RPUSD3: variants seen among roughly 807,000 people sequenced by gnomAD.
RPUSD3 encodes RNA pseudouridine synthase D3, also known as mitochondrial mRNA pseudouridine synthase RPUSD3.
In RPUSD3, 36 loss-of-function variants were observed where a neutral mutation model predicts 35.1. That is an observed-to-expected ratio of 1.02 (90% confidence interval 0.79 to 1.35). RPUSD3 has a LOEUF of 1.35. RPUSD3 is among the 40% of genes most tolerant of loss of function. RPUSD3 has a pLI of 0.00. For synonymous variants in RPUSD3, 202 were observed against 187.8 expected (o/e 1.08, Z -0.62); for missense variants, 486 against 441.9 (o/e 1.10, Z -0.89).
chr3:9,840,291 G>A lies in RPUSD3; in HGVS notation c.617C>T (p.Ala206Val), dbSNP rs777320478. 5.0e-5 allele frequency: 81 copies of A among 1,614,050 alleles called. No homozygotes were observed. In the Admixed American group the frequency reaches 1.3e-3, roughly 27 times the overall value. ...TTCCAGGATGTCCTTTCGGGATGGG[G>A]CCTTCACTGGAACTGTCTGTGGTGC... The change falls in exon 7 of 9, where the codon GCC (alanine) becomes GTC (valine). Residue 206 changes from alanine to valine, a missense_variant. Transcript: ENST00000383820.
chr3:9,840,359 C>T (rs1247887279), intron 6 of RPUSD3, 52 bp from the exon 7 acceptor site: 2 of 1,614,056 alleles, frequency 1.2e-6, no homozygotes, highest in Admixed American at 1.7e-5. Flanking sequence ...GGGAGCTATA[C>T]CCAGACCCTC....
At chr3:9,837,883 AG>A (rs762621117) in exon 9 of RPUSD3, 352 of 884,990 alleles carry the variant, frequency 4.0e-4, no homozygotes, top group Non-Finnish European at 4.0e-4. Flanking sequence ...AAGTCCAGAG[AG>A]GTAAAGTTAC....
intron 8 of RPUSD3, 78 bp from the exon 9 acceptor site, chr3:9,838,285 G>T: frequency 6.9e-7 from 1 of 1,453,914 alleles, no homozygotes; most frequent in Non-Finnish European, 9.5e-7. Context: ...GGAAATGGGA[G>T]TAAGGCGGGC....
intron 2 of RPUSD3, 134 bp from the exon 3 acceptor site, chr3:9,842,377 C>T (rs2125026268): frequency 1.2e-6 from 1 of 854,180 alleles, no homozygotes; most frequent in East Asian, 2.5e-5. Flanking sequence ...AGTTAACTAC[C>T]CCACACCAAA....
chr3:9,838,543 A>G (rs1157044668), intron 8 of RPUSD3, among the ~76,000 whole-genome samples: 1 of 151,888 alleles, frequency 6.6e-6, no homozygotes, highest in East Asian at 1.9e-4. Flanking sequence ...GCCCAGAAAA[A>G]CCTTATCCAC....
In RPUSD3 at chr3:9,838,213, G is replaced by A. The variant is rs2082050500; in HGVS notation, c.865-6C>T. The stretch of plus-strand genomic sequence containing the variant: ...AGGAGGGCTTCATCCAGGACCTGGA[G>A]CGGGAGAGGTACGTTGTGTTCAGCC... On this transcript the variant is annotated splice_polypyrimidine_tract_variant and splice_region_variant and intron_variant, in intron 8 of 8. Coordinates refer to ENST00000383820, the Ensembl canonical transcript of RPUSD3. 2 of 1,611,862 alleles carry A rather than the reference G, an allele frequency of 1.2e-6. No individual in the cohort carries two copies. The highest frequency in any genetic ancestry group is 1.7e-6 in the Non-Finnish European group (2 of 1,179,776).
chr3:9,843,176 G>T (rs934624682), intron 2 of RPUSD3: 10 of 419,838 alleles, frequency 2.4e-5, no homozygotes, highest in Non-Finnish European at 3.9e-5. Context: ...ACAGGCGTGA[G>T]CCACCGCGGC....
At chr3:9,842,006 A>C (rs189494454) in exon 4 of RPUSD3, 186 of 1,614,042 alleles carry the variant, frequency 1.2e-4, no homozygotes, top group Non-Finnish European at 3.9e-5. Flanking sequence ...GGACAACCTG[A>C]AGCTCCTGCT....
chr3:9,839,361 A>G (rs996065677), intron 7 of RPUSD3, 190 bp from the exon 8 acceptor site: 13 of 580,014 alleles, frequency 2.2e-5, no homozygotes, highest in South Asian at 2.0e-4. Context: ...ACAGCTATCA[A>G]TCTGCCTGGC....
Position 9,841,927 on chromosome 3 carries a change from T to C in RPUSD3, c.407+56A>G, listed in dbSNP as rs541208296. On this transcript the variant is annotated intron_variant, in intron 4 of 8. Transcript: ENST00000383820. ...CTCAGCTTATCCCCAAGCAGCTGTT[T>C]CCCCACCACAGATGGATGCCTGTAC... The C allele has an allele frequency of 9.2e-6, 13 of 1,418,120 alleles. 1 individual carries two copies. The South Asian group carries it at 1.6e-4, about 17-fold the overall frequency. 87.8% of individuals were successfully genotyped at this position (1,418,120 alleles called of 1,614,324 possible). A position where few individuals can be genotyped will look rare whatever the true frequency, so the allele number is the denominator to read the frequency against.
chr3:9,840,167 T>C lies in RPUSD3; in HGVS notation c.724+17A>G. On this transcript the variant is annotated intron_variant, in intron 7 of 8. Coordinates refer to ENST00000383820, the Ensembl canonical transcript of RPUSD3. The stretch of plus-strand genomic sequence containing the variant: ...ATCAAGTGCAGTTTTAAAGGCTGGC[T>C]AGGGTGCCAGACCTACCTGTCAGTG... 3.1e-6 allele frequency: 5 copies of C among 1,605,900 alleles called. No individual in the cohort carries two copies. Among genetic ancestry groups the C allele is most frequent in the Non-Finnish European group, 4.3e-6 (5 of 1,175,760 alleles).
Position 9,842,256 on chromosome 3 carries a change from T to G in RPUSD3, c.263-13A>C. ...GTCACTAGAGGTCCTGAAACATACA[T>G]CACACGAACATCAGCAAAAGCAACG... On this transcript the variant is annotated splice_polypyrimidine_tract_variant and intron_variant, in intron 2 of 8. Coordinates refer to ENST00000383820, the Ensembl canonical transcript of RPUSD3. The G allele has an allele frequency of 1.2e-6, 2 of 1,614,014 alleles. No homozygotes were observed. The highest frequency in any genetic ancestry group is 1.1e-5 in the South Asian group (1 of 91,072).
chr3:9,839,474 C>T (rs1429004201), intron 7 of RPUSD3: 3 of 238,598 alleles, frequency 1.3e-5, no homozygotes, highest in African/African-American at 4.5e-5. Flanking sequence ...GAAGCTGCCT[C>T]CTCTAGCTGG....
At position 9,843,310 on chromosome 3, in the gene RPUSD3, G is replaced by A. The variant is rs536839328; in HGVS notation, c.262+155C>T. 25 of 1,014,746 alleles carry A rather than the reference G, an allele frequency of 2.5e-5. No individual in the cohort carries two copies. The African/African-American group carries it at 2.7e-4, about 11-fold the overall frequency. The allele number at this position is 1,014,746 out of a possible 1,614,324, so 62.9% of individuals were successfully genotyped here. ...CTGCATCATGGCAGTAGGGTTAAAA[G>A]CGGGGAGAGGGTGCAAATTAGGTGG... On this transcript the variant is annotated intron_variant, in intron 2 of 8. Transcript: ENST00000383820.
exon 2 of RPUSD3, chr3:9,843,545 G>A (rs149756213): frequency 1.2e-6 from 2 of 1,613,736 alleles, no homozygotes; most frequent in Non-Finnish European, 8.5e-7. Context: ...CCCCGCGAAG[G>A]GCTGGTCCCC....
intron 2 of RPUSD3, chr3:9,843,181 C>T (rs112208999): frequency 2.3e-6 from 1 of 432,596 alleles, no homozygotes; most frequent in South Asian, 3.6e-5. Flanking sequence ...CGTGAGCCAC[C>T]GCGGCCAATA....
At chr3:9,843,709 C>T (rs1469089129) in intron 1 of RPUSD3, 108 bp from the exon 2 acceptor site, 1 of 1,549,002 alleles carries the variant, frequency 6.5e-7, no homozygotes, top group Non-Finnish European at 8.7e-7. Flanking sequence ...AAATGCCTCA[C>T]AATGTCTGGG....
intron 3 of RPUSD3, 23 bp downstream of exon 3, chr3:9,842,176 C>G (rs748287087): frequency 6.2e-7 from 1 of 1,614,140 alleles, no homozygotes; most frequent in South Asian, 1.1e-5. Flanking sequence ...GCTGCATTCC[C>G]TTCCCACATC....
At chr3:9,840,571 C>T (rs766362592) in exon 6 of RPUSD3, 1 of 1,614,116 alleles carries the variant, frequency 6.2e-7, no homozygotes, top group Admixed American at 1.7e-5. Flanking sequence ...TCAGGGCAGC[C>T]TGGATCTTCC....
Sources: allele counts gnomAD v4.1 joint callset (sites outside exome capture counted in the v4.1 genomes callset), GRCh38; gene constraint gnomAD v4.1.1; transcripts MANE v1.5; gene names NCBI Gene and HGNC (gene_info 2026-07-23, HGNC 2026-07-21).